Variants in SLC47A2 observed in about 807,000 individuals in gnomAD.
SLC47A2 encodes the protein multidrug and toxin extrusion protein 2.
Under a neutral mutation model 67.7 loss-of-function variants are expected in SLC47A2, and 52 were observed. That is an observed-to-expected ratio of 0.77 (90% confidence interval 0.61 to 0.97). The LOEUF (loss-of-function observed/expected upper bound fraction) is 0.97. Ranked by LOEUF, SLC47A2 falls within the 50% of genes least tolerant of loss-of-function variation. The pLI is 0.00. For missense variants in SLC47A2, 676 were observed against 712.3 expected (o/e 0.95, Z 0.58); for synonymous variants, 278 against 292.9 (o/e 0.95, Z 0.52).
intron 7 of SLC47A2, 73 bp from the exon 8 acceptor site, chr17:19,707,916 G>A: frequency 2.1e-6 from 3 of 1,409,330 alleles, no homozygotes; most frequent in Non-Finnish European, 2.0e-6. Flanking sequence ...GAGAGAGGTG[G>A]CTCTGGCGGC....
intron 6 of SLC47A2, 122 bp from the exon 7 acceptor site, chr17:19,708,521 G>A: frequency 6.2e-7 from 1 of 1,613,488 alleles, no homozygotes; most frequent in Non-Finnish European, 8.5e-7. Context: ...TTGAGGAGTT[G>A]GAAGAGGCTG....
At chr17:19,699,964 G>T (rs141159629) in intron 13 of SLC47A2, among the ~76,000 whole-genome samples, 16 of 152,286 alleles carry the variant, frequency 1.1e-4, no homozygotes, top group African/African-American at 3.9e-4. Flanking sequence ...AAGCAGTGAC[G>T]CATGCTGCAG....
At chr17:19,709,312 AGT>A (rs1359169469) in intron 5 of SLC47A2, among the ~76,000 whole-genome samples, 6 of 152,268 alleles carry the variant, frequency 3.9e-5, no homozygotes, top group African/African-American at 1.4e-4. Flanking sequence ...TGTACGTGGC[AGT>A]GTGTGTGTTG....
In SLC47A2 at chr17:19,706,642, A is replaced by G. The variant is rs752519792; in HGVS notation, c.841+6T>C. 6.3e-7 allele frequency: 1 copy of G among 1,588,942 alleles called. No individual in the cohort carries two copies. The highest frequency in any genetic ancestry group is 8.5e-7 in the Non-Finnish European group (1 of 1,170,730). On this transcript the variant is annotated splice_donor_region_variant and intron_variant, in intron 9 of 16. Coordinates refer to ENST00000433844, the MANE Select transcript of SLC47A2 (RefSeq NM_001099646.3). Reference sequence around the variant, plus strand: ...GCCATTGCGCCCCCCATCCTCTTCCACGTACCCATGAGGAAGCTCCCGATC... The same window carrying G: ...GCCATTGCGCCCCCCATCCTCTTCCGCGTACCCATGAGGAAGCTCCCGATC...
intron 13 of SLC47A2, among the ~76,000 whole-genome samples, chr17:19,701,083 A>T (rs1212259744): frequency 2.0e-5 from 3 of 149,102 alleles, no homozygotes; most frequent in Non-Finnish European, 4.4e-5. Context: ...CATGAGAATC[A>T]CTTGAACCCA....
chr17:19,710,749 G>A (rs113690031), intron 5 of SLC47A2, among the ~76,000 whole-genome samples: 3,869 of 149,326 alleles, frequency 0.026, 162 homozygotes, highest in African/African-American at 0.09. Flanking sequence ...CACCGTGCCC[G>A]GCTGGGTTAA....
intron 13 of SLC47A2, 104 bp from the exon 14 acceptor site, chr17:19,681,774 T>C: frequency 7.1e-7 from 1 of 1,416,406 alleles, no homozygotes; most frequent in Non-Finnish European, 9.6e-7. Flanking sequence ...ATTGCTTCAC[T>C]GAGTTCTCAC....
At chr17:19,679,264 CAG>C (rs1327240071) in intron 16 of SLC47A2, among the ~76,000 whole-genome samples, 12 of 152,184 alleles carry the variant, frequency 7.9e-5, no homozygotes, top group Non-Finnish European at 1.6e-4. Flanking sequence ...CTTACGCTCC[CAG>C]AGTTTTAGCT....
intron 13 of SLC47A2, among the ~76,000 whole-genome samples, chr17:19,683,599 G>A (rs1441665567): frequency 1.3e-5 from 2 of 152,202 alleles, no homozygotes; most frequent in African/African-American, 4.8e-5. Context: ...TGCATATGGT[G>A]TAGCAGAGAC....
chr17:19,690,798 G>A (rs533162939), intron 13 of SLC47A2, among the ~76,000 whole-genome samples: 1 of 152,030 alleles, frequency 6.6e-6, no homozygotes, highest in African/African-American at 2.4e-5. Context: ...AGGCACTAAT[G>A]GATGCTAGGG....
At chr17:19,696,141 A>G (rs2085657792) in intron 13 of SLC47A2, among the ~76,000 whole-genome samples, 1 of 151,722 alleles carries the variant, frequency 6.6e-6, no homozygotes, top group African/African-American at 2.4e-5. Context: ...ATCCAATATG[A>G]CTGGTGTCCT....
chr17:19,714,238 G>A (rs1204588177), intron 3 of SLC47A2, among the ~76,000 whole-genome samples: 2 of 152,204 alleles, frequency 1.3e-5, no homozygotes, highest in Admixed American at 6.5e-5. Flanking sequence ...GTTAAGTGGA[G>A]CCAGGACAAA....
At position 19,711,588 on chromosome 17, in the gene SLC47A2, CAAAAA is replaced by C. The variant is rs35308426; in HGVS notation, c.486+1110_486+1114del. On this transcript the variant is annotated intron_variant, in intron 5 of 16. Coordinates refer to ENST00000433844, the MANE Select transcript of SLC47A2 (RefSeq NM_001099646.3). ...TGGATGACAGAGCAAAACTCCGTCT[CAAAAA>C]AAAAAAAAAAAAAAAAAAAAAAAGA... is the stretch of plus-strand genomic sequence containing the variant. Among the ~76,000 whole-genome samples the C allele has an allele frequency of 7.6e-4, 25 of 33,004 alleles. No individual in the cohort carries two copies. The East Asian group carries it at 0.015, about 20-fold the overall frequency. The allele number at this position is 33,004 out of a possible 152,430, so 21.7% of individuals were successfully genotyped here.
chr17:19,715,080 A>G (rs767943599), intron 2 of SLC47A2, 36 bp downstream of exon 2: 1 of 1,596,808 alleles, frequency 6.3e-7, no homozygotes, highest in South Asian at 1.1e-5. Flanking sequence ...GCCTGGGGAG[A>G]GAACGTCCCT....
chr17:19,709,654 T>G (rs555341117), intron 5 of SLC47A2, among the ~76,000 whole-genome samples: 11 of 152,304 alleles, frequency 7.2e-5, no homozygotes, highest in African/African-American at 2.4e-4. Context: ...TATTGCAAAG[T>G]GCTTACCAAA....
chr17:19,714,347 C>G (rs2086191765), intron 3 of SLC47A2: 1 of 407,550 alleles, frequency 2.5e-6, no homozygotes, highest in African/African-American at 2.0e-5. Flanking sequence ...GGACTGCAGG[C>G]CCCTGCAAGC....
intron 13 of SLC47A2, among the ~76,000 whole-genome samples, chr17:19,696,424 T>C (rs2085665222): frequency 6.9e-6 from 1 of 144,410 alleles, no homozygotes. Context: ...ATTGCAGTAC[T>C]GCACTCCAGC....
intron 13 of SLC47A2, among the ~76,000 whole-genome samples, chr17:19,696,257 C>A (rs1032235058): frequency 2.7e-5 from 4 of 148,080 alleles, no homozygotes; most frequent in Non-Finnish European, 6.0e-5. Context: ...TCAAGACCAT[C>A]CTGGCCAACA....
chr17:19,716,476 A>G lies in SLC47A2; in HGVS notation c.80T>C (p.Phe27Ser). The G allele has an allele frequency of 6.2e-7, 1 of 1,612,754 alleles. No homozygotes were observed. Among genetic ancestry groups the G allele is most frequent in the South Asian group, 1.1e-5 (1 of 90,644 alleles). ...PALSRLVPRG[F>S]GTEMWTLFAL... ...AAAGAGAGTCCACATCTCAGTCCCA[A>G]AGCCTCTGGGAACCAGCCTGCTGAG... Residue 27 changes from phenylalanine to serine, a missense_variant, in exon 1 of 17, where the codon TTT (phenylalanine) becomes TCT (serine). Phe to Ser is a radical substitution (Grantham distance 155, BLOSUM62 -2). Transcript: ENST00000433844.
Sources: gnomAD v4.1 joint callset for allele counts (sites outside exome capture counted in the v4.1 genomes callset) on GRCh38, gnomAD v4.1.1 for gene constraint, MANE v1.5 for transcripts, NCBI Gene and HGNC (gene_info 2026-07-23, HGNC 2026-07-21) for gene names.